MACROD2: variants seen among roughly 807,000 people sequenced by gnomAD.
MACROD2 encodes ADP-ribose glycohydrolase MACROD2.
MACROD2 carries 36 observed loss-of-function variants against 70.4 expected under a neutral mutation model. The ratio of observed to expected loss-of-function variants is 0.51; its 90% CI spans 0.39 to 0.68. The LOEUF is 0.68. Among genes scored for constraint, MACROD2 ranks in the 30% least tolerant of loss-of-function variants. MACROD2 has a pLI of 0.00. For synonymous variants in MACROD2, 172 were observed against 178.8 expected, an observed-to-expected ratio of 0.96 and a Z score of 0.30; for missense variants, 496 against 538.4, an observed-to-expected ratio of 0.92 and a Z score of 0.78.
chr20:16,021,201 C>A (rs1041058338), intron 15 of MACROD2, among the ~76,000 whole-genome samples: 3 of 152,120 alleles, frequency 2.0e-5, no homozygotes, highest in African/African-American at 7.2e-5. Context: ...TAAAATAATA[C>A]CTGTACTCAG....
intron 9 of MACROD2, among the ~76,000 whole-genome samples, chr20:15,884,738 A>G (rs753671389): frequency 6.6e-6 from 1 of 152,136 alleles, no homozygotes; most frequent in Non-Finnish European, 1.5e-5. Flanking sequence ...CTGATATTTT[A>G]GTCCATTTGG....
At chr20:15,907,116 C>T (rs536129942) in intron 10 of MACROD2, among the ~76,000 whole-genome samples, 11 of 152,290 alleles carry the variant, frequency 7.2e-5, no homozygotes, top group African/African-American at 1.9e-4. Flanking sequence ...GTTGTAATAA[C>T]GCCTTAGCCT....
At chr20:14,609,019 G>A (rs1982991254) in intron 4 of MACROD2, among the ~76,000 whole-genome samples, 1 of 152,072 alleles carries the variant, frequency 6.6e-6, no homozygotes, top group African/African-American at 2.4e-5. Flanking sequence ...ACTTGGTGAG[G>A]TTTGGGGGTT....
chr20:14,763,708 G>C (rs1231559002), intron 5 of MACROD2, among the ~76,000 whole-genome samples: 1 of 152,108 alleles, frequency 6.6e-6, no homozygotes, highest in African/African-American at 2.4e-5. Context: ...TAACCTGTGA[G>C]AAGGAGCAGG....
chr20:15,880,949 T>C (rs2064746235), intron 9 of MACROD2, among the ~76,000 whole-genome samples: 1 of 152,094 alleles, frequency 6.6e-6, no homozygotes, highest in Non-Finnish European at 1.5e-5. Context: ...TTCATAGACC[T>C]TCTCTCTGAC....
intron 5 of MACROD2, among the ~76,000 whole-genome samples, chr20:15,007,441 T>C (rs1217550902): frequency 2.6e-5 from 4 of 151,954 alleles, no homozygotes; most frequent in Non-Finnish European, 4.4e-5. Flanking sequence ...CATTATATAC[T>C]CTCTTGTTCA....
intron 3 of MACROD2, among the ~76,000 whole-genome samples, chr20:14,355,816 G>A (rs1316180128): frequency 6.6e-6 from 1 of 152,168 alleles, no homozygotes; most frequent in East Asian, 1.9e-4. Flanking sequence ...AAAAGGTCTG[G>A]TAGAGATTGG....
intron 15 of MACROD2, among the ~76,000 whole-genome samples, chr20:16,024,195 T>A (rs909905661): frequency 6.6e-6 from 1 of 152,168 alleles, no homozygotes; most frequent in Non-Finnish European, 1.5e-5. Context: ...CATACAAGTG[T>A]GGTTCATAGA....
At chr20:15,108,003 T>C (rs2075925003) in intron 5 of MACROD2, among the ~76,000 whole-genome samples, 1 of 151,382 alleles carries the variant, frequency 6.6e-6, no homozygotes, top group Non-Finnish European at 1.5e-5. Context: ...TTTTTTACAT[T>C]TTTTTATTAT....
intron 2 of MACROD2, among the ~76,000 whole-genome samples, chr20:14,022,756 C>G (rs1395261454): frequency 2.0e-5 from 3 of 152,048 alleles, no homozygotes; most frequent in African/African-American, 7.2e-5. Context: ...CATCCATGTC[C>G]CGGCAAAAGA....
chr20:14,653,288 G>C (rs866980206), intron 4 of MACROD2, among the ~76,000 whole-genome samples: 27 of 143,640 alleles, frequency 1.9e-4, no homozygotes, highest in Middle Eastern at 8.5e-3. Flanking sequence ...GCACAATCTT[G>C]GCTCACTGCA....
intron 5 of MACROD2, among the ~76,000 whole-genome samples, chr20:14,705,701 A>G (rs2071260854): frequency 6.6e-6 from 1 of 152,242 alleles, no homozygotes; most frequent in South Asian, 2.1e-4. Flanking sequence ...AGTAGAAGTT[A>G]TAATTTCTTA....
At chr20:15,835,610 C>T in intron 8 of MACROD2, among the ~76,000 whole-genome samples, 1 of 151,950 alleles carries the variant, frequency 6.6e-6, no homozygotes, top group Middle Eastern at 3.4e-3. Context: ...TTATTAATAT[C>T]AATTATTATA....
chr20:15,421,201 G>C (rs966855596), intron 6 of MACROD2, among the ~76,000 whole-genome samples: 4 of 152,058 alleles, frequency 2.6e-5, no homozygotes, highest in Non-Finnish European at 2.9e-5. Context: ...AGCATAGTGA[G>C]ACCTTGTTTC....
intron 5 of MACROD2, among the ~76,000 whole-genome samples, chr20:14,974,404 G>A (rs1045590805): frequency 2.6e-5 from 4 of 152,088 alleles, no homozygotes; most frequent in African/African-American, 7.2e-5. Context: ...AGTATGTCAC[G>A]GCAGAAAATG....
intron 13 of MACROD2, among the ~76,000 whole-genome samples, chr20:15,978,582 GTCTC>G (rs59205516): frequency 0.026 from 3,750 of 146,362 alleles, 48 homozygotes; most frequent in African/African-American, 0.032. Flanking sequence ...CTGACCTTGG[GTCTC>G]TCTCTCTCTC....
At chr20:14,965,330 C>G (rs910733619) in intron 5 of MACROD2, among the ~76,000 whole-genome samples, 2 of 151,638 alleles carry the variant, frequency 1.3e-5, no homozygotes, top group African/African-American at 4.8e-5. Flanking sequence ...ATATCGGTAA[C>G]TTAACACAAT....
chr20:15,041,626 T>C (rs1419967137), intron 5 of MACROD2, among the ~76,000 whole-genome samples: 1 of 152,148 alleles, frequency 6.6e-6, no homozygotes, highest in African/African-American at 2.4e-5. Context: ...ACATTTTTTG[T>C]AGTGATGGGA....
At chr20:15,637,526 C>T (rs1178594416) in intron 8 of MACROD2, among the ~76,000 whole-genome samples, 1 of 152,202 alleles carries the variant, frequency 6.6e-6, no homozygotes, top group Non-Finnish European at 1.5e-5. Context: ...CTGGCTTTCT[C>T]AGTGCTTGAG....
Sources: allele counts gnomAD v4.1 joint callset (sites outside exome capture counted in the v4.1 genomes callset), GRCh38; gene constraint gnomAD v4.1.1; transcripts MANE v1.5; gene names NCBI Gene and HGNC (gene_info 2026-07-23, HGNC 2026-07-21).